The following THSD7B variants were observed in gnomAD, a reference collection of about 807,000 sequenced individuals.
THSD7B encodes the protein thrombospondin type-1 domain-containing protein 7B.
Under a neutral mutation model 213.6 loss-of-function variants are expected in THSD7B, and 138 were observed. The observed-to-expected ratio is 0.65, with a 90% CI of 0.56 to 0.74. The LOEUF (loss-of-function observed/expected upper bound fraction) is 0.74, where lower values mean the gene tolerates loss of function less well. THSD7B is among the 30% of genes least tolerant of loss of function. The pLI, the probability that THSD7B is intolerant of heterozygous loss-of-function variation, is 0.00. For synonymous variants in THSD7B, 742 were observed against 687.0 expected (o/e 1.08, Z -1.25); for missense variants, 1,931 against 1,991.5 (o/e 0.97, Z 0.58).
At chr2:136,833,621 T>C (rs969283121) in intron 1 of THSD7B, among the ~76,000 whole-genome samples, 1 of 152,124 alleles carries the variant, frequency 6.6e-6, no homozygotes, top group Admixed American at 6.5e-5. Flanking sequence ...ATTTTACTTT[T>C]GTGTATTCAA....
chr2:137,354,029 C>T (rs1053291372), intron 12 of THSD7B, among the ~76,000 whole-genome samples: 2 of 152,058 alleles, frequency 1.3e-5, no homozygotes, highest in Non-Finnish European at 2.9e-5. Context: ...CCAGACTAAT[C>T]CTGTTTGTAA....
At chr2:136,780,645 T>G (rs1322014328) in intron 1 of THSD7B, among the ~76,000 whole-genome samples, 1 of 152,202 alleles carries the variant, frequency 6.6e-6, no homozygotes, top group Middle Eastern at 3.2e-3. Flanking sequence ...TAAATTATTC[T>G]ATAGAGTAGT....
At chr2:137,017,315 A>G (rs1349346693) in intron 2 of THSD7B, among the ~76,000 whole-genome samples, 4 of 151,584 alleles carry the variant, frequency 2.6e-5, no homozygotes, top group African/African-American at 7.3e-5. Context: ...CTCTCTTTAT[A>G]AGAGAAAGTT....
intron 1 of THSD7B, among the ~76,000 whole-genome samples, chr2:136,842,244 G>A (rs952433544): frequency 2.6e-5 from 4 of 152,156 alleles, no homozygotes; most frequent in African/African-American, 7.2e-5. Context: ...AAAGAACTGC[G>A]CTGGGTTATT....
chr2:137,262,540 G>A (rs1241004890), intron 10 of THSD7B, among the ~76,000 whole-genome samples: 1 of 152,022 alleles, frequency 6.6e-6, no homozygotes, highest in Non-Finnish European at 1.5e-5. Context: ...ATCATTATAG[G>A]TGTTGTTATT....
chr2:137,141,802 A>G (rs1679592776), intron 5 of THSD7B, among the ~76,000 whole-genome samples: 1 of 152,076 alleles, frequency 6.6e-6, no homozygotes, highest in African/African-American at 2.4e-5. Context: ...TCCCTGGGGC[A>G]GCCTACTCCC....
chr2:137,628,032 C>T (rs941917839), intron 20 of THSD7B, among the ~76,000 whole-genome samples: 12 of 152,136 alleles, frequency 7.9e-5, no homozygotes, highest in Admixed American at 7.9e-4. Context: ...TGGAATTTTG[C>T]ACATGTTAGC....
intron 1 of THSD7B, among the ~76,000 whole-genome samples, chr2:136,845,509 C>A (rs1254669208): frequency 1.3e-5 from 2 of 152,058 alleles, no homozygotes; most frequent in Non-Finnish European, 2.9e-5. Flanking sequence ...AGATTTTGTA[C>A]CCTGGTTTGT....
At chr2:136,875,535 G>T (rs1049726986) in intron 1 of THSD7B, among the ~76,000 whole-genome samples, 2 of 152,144 alleles carry the variant, frequency 1.3e-5, no homozygotes, top group African/African-American at 4.8e-5. Context: ...TTTAATCATT[G>T]TGTAAGATCT....
chr2:136,874,348 T>C (rs1683490911), intron 1 of THSD7B, among the ~76,000 whole-genome samples: 1 of 152,186 alleles, frequency 6.6e-6, no homozygotes, highest in East Asian at 1.9e-4. Flanking sequence ...CATTGTCTTG[T>C]ATACAGCAAC....
At chr2:136,966,555 G>GA (rs1685318513) in intron 2 of THSD7B, among the ~76,000 whole-genome samples, 1 of 151,894 alleles carries the variant, frequency 6.6e-6, no homozygotes, top group Non-Finnish European at 1.5e-5. Flanking sequence ...ATTTTTATTT[G>GA]AAAAAAACAT....
intron 15 of THSD7B, among the ~76,000 whole-genome samples, chr2:137,472,494 A>C (rs977690086): frequency 1.3e-5 from 2 of 152,228 alleles, no homozygotes; most frequent in Non-Finnish European, 2.9e-5. Context: ...CAAAACAAAA[A>C]AAATTAAGTG....
intron 5 of THSD7B, among the ~76,000 whole-genome samples, chr2:137,125,931 T>A (rs989170369): frequency 6.6e-6 from 1 of 152,178 alleles, no homozygotes; most frequent in Non-Finnish European, 1.5e-5. Context: ...GCATTGTCAA[T>A]GAGAAGTAAT....
chr2:136,998,806 A>G (rs1685944018), intron 2 of THSD7B, among the ~76,000 whole-genome samples: 3 of 152,110 alleles, frequency 2.0e-5, no homozygotes, highest in Admixed American at 2.0e-4. Flanking sequence ...AGGCAGAAAC[A>G]TAAGTTTGAG....
chr2:137,549,948 C>T (rs919227344), intron 15 of THSD7B, among the ~76,000 whole-genome samples: 3 of 152,070 alleles, frequency 2.0e-5, no homozygotes, highest in Admixed American at 2.0e-4. Flanking sequence ...TGACTGATAA[C>T]TACAATCTGT....
intron 15 of THSD7B, among the ~76,000 whole-genome samples, chr2:137,498,231 C>T (rs1200908356): frequency 1.3e-5 from 2 of 152,060 alleles, no homozygotes; most frequent in African/African-American, 4.8e-5. Context: ...ATTTATTGAG[C>T]TCCCCATCAT....
At chr2:137,577,015 G>A (rs538346577) in intron 17 of THSD7B, among the ~76,000 whole-genome samples, 2 of 152,198 alleles carry the variant, frequency 1.3e-5, no homozygotes, top group South Asian at 2.1e-4. Flanking sequence ...ATGGCAACCT[G>A]TATTTGTCTC....
intron 3 of THSD7B, among the ~76,000 whole-genome samples, chr2:137,081,992 G>C (rs1314714748): frequency 6.6e-6 from 1 of 151,962 alleles, no homozygotes; most frequent in African/African-American, 2.4e-5. Context: ...TTATCTCTAA[G>C]GTCTACCAGC....
chr2:136,778,404 G>GC (rs1355780009), intron 1 of THSD7B, among the ~76,000 whole-genome samples: 1 of 151,934 alleles, frequency 6.6e-6, no homozygotes, highest in Non-Finnish European at 1.5e-5. Context: ...TGTCCCTTCT[G>GC]CCCCCCTCTG....
Sources: gnomAD v4.1 joint callset for allele counts (sites outside exome capture counted in the v4.1 genomes callset) on GRCh38, gnomAD v4.1.1 for gene constraint, MANE v1.5 for transcripts, NCBI Gene and HGNC (gene_info 2026-07-23, HGNC 2026-07-21) for gene names.